Variants in CTXND2 observed in about 807,000 individuals in gnomAD.
The protein encoded by CTXND2 is cortexin domain containing 2.
At chr1:150,888,412 C>T (rs761618680) in intron 1 of CTXND2, among the ~76,000 whole-genome samples, 13 of 151,722 alleles carry the variant, frequency 8.6e-5, no homozygotes, top group Non-Finnish European at 1.8e-4. Context: ...GACAGGGTTT[C>T]ACCATGTTGG....
At position 150,904,934 on chromosome 1, in the gene CTXND2, C is replaced by T. The variant is rs1334417429; in HGVS notation, c.-73-7308C>T. The stretch of plus-strand genomic sequence containing the variant: ...TAAACAGCCATTCAGAAACATAAAA[C>T]TGTAGAACTGCTATGTATTTGTGAT... On this transcript the variant is annotated intron_variant, in intron 1 of 1. Coordinates refer to ENST00000636087, the Ensembl canonical transcript of CTXND2. Among the ~76,000 whole-genome samples, 6 of 152,168 alleles carry T rather than the reference C, an allele frequency of 3.9e-5. No individual in the cohort carries two copies. The East Asian group carries it at 1.2e-3, about 29-fold the overall frequency.
At chr1:150,912,579 A>G in exon 2 of CTXND2, 1 of 397,128 alleles carries the variant, frequency 2.5e-6, no homozygotes, top group Non-Finnish European at 4.4e-6. Flanking sequence ...CAGCCTTCTC[A>G]CTCTTGCATT....
chr1:150,888,781 C>T (rs1471195464), intron 1 of CTXND2, among the ~76,000 whole-genome samples: 1 of 151,932 alleles, frequency 6.6e-6, no homozygotes, highest in Non-Finnish European at 1.5e-5. Flanking sequence ...TCCTTGACCT[C>T]CTGGGCTCAA....
chr1:150,907,510 TAA>T (rs1263511228), intron 1 of CTXND2, among the ~76,000 whole-genome samples: 1 of 152,178 alleles, frequency 6.6e-6, no homozygotes, highest in African/African-American at 2.4e-5. Context: ...TTATGGCCAA[TAA>T]TAGTCTATTG....
intron 1 of CTXND2, among the ~76,000 whole-genome samples, chr1:150,888,219 A>T (rs12091174): frequency 0.15 from 11,210 of 75,122 alleles, 1,465 homozygotes; most frequent in African/African-American, 0.39. Flanking sequence ...TACCTAATTT[A>T]TTTTTTTTTT....
chr1:150,894,809 G>A (rs1248364604), intron 1 of CTXND2, among the ~76,000 whole-genome samples: 3 of 152,120 alleles, frequency 2.0e-5, no homozygotes, highest in Non-Finnish European at 4.4e-5. Context: ...ACTGAGGCGG[G>A]TGGATCACCT....
At chr1:150,896,371 A>C in intron 1 of CTXND2, among the ~76,000 whole-genome samples, 1 of 152,182 alleles carries the variant, frequency 6.6e-6, no homozygotes, top group East Asian at 1.9e-4. Context: ...TTTATTTTTA[A>C]GTCTCATGTG....
intron 1 of CTXND2, among the ~76,000 whole-genome samples, chr1:150,904,802 C>T (rs1460156424): frequency 6.6e-6 from 1 of 152,094 alleles, no homozygotes; most frequent in Non-Finnish European, 1.5e-5. Flanking sequence ...TTTAGCATTT[C>T]TCACATTTTA....
intron 1 of CTXND2, among the ~76,000 whole-genome samples, chr1:150,909,375 C>G (rs1226809797): frequency 6.6e-6 from 1 of 151,790 alleles, no homozygotes; most frequent in Non-Finnish European, 1.5e-5. Flanking sequence ...TGGTGAAACT[C>G]CATCTCTACC....
intron 1 of CTXND2, chr1:150,903,942 C>T (rs1467156244): frequency 4.6e-6 from 3 of 648,014 alleles, no homozygotes; most frequent in Admixed American, 3.6e-5. Context: ...CAGAAGTGTG[C>T]CCAGTGTCAC....
intron 1 of CTXND2, chr1:150,904,265 A>G: frequency 2.0e-6 from 1 of 509,254 alleles, no homozygotes; most frequent in East Asian, 4.9e-5. Flanking sequence ...TGAATTTTTC[A>G]TGTGTACCAT....
At chr1:150,893,110 C>T (rs932096872) in intron 1 of CTXND2, among the ~76,000 whole-genome samples, 16 of 152,150 alleles carry the variant, frequency 1.1e-4, no homozygotes, top group African/African-American at 2.9e-4. Flanking sequence ...AAATATCTTA[C>T]GTATTTTTAA....
intron 1 of CTXND2, among the ~76,000 whole-genome samples, chr1:150,901,767 A>T (rs926150877): frequency 2.0e-5 from 3 of 151,670 alleles, no homozygotes; most frequent in Non-Finnish European, 4.4e-5. Flanking sequence ...ACAAAAAAAA[A>T]ATTAGCTGGG....
intron 1 of CTXND2, among the ~76,000 whole-genome samples, chr1:150,899,620 T>G (rs1465396343): frequency 6.6e-6 from 1 of 152,116 alleles, no homozygotes; most frequent in East Asian, 1.9e-4. Context: ...TTTCATTATG[T>G]TAAATAAAAA....
intron 1 of CTXND2, among the ~76,000 whole-genome samples, chr1:150,907,700 G>A (rs116135136): frequency 7.1e-6 from 1 of 139,878 alleles, no homozygotes; most frequent in African/African-American, 2.6e-5. Flanking sequence ...GCGTCATATG[G>A]TGGCTTTTTT....
At chr1:150,903,812 A>AG in intron 1 of CTXND2, 1 of 428,950 alleles carries the variant, frequency 2.3e-6, no homozygotes, top group South Asian at 1.9e-5. Flanking sequence ...AAAAAAAAAA[A>AG]AAATTGCCTT....
chr1:150,894,904 G>A (rs146005414), intron 1 of CTXND2, among the ~76,000 whole-genome samples: 10,901 of 151,942 alleles, frequency 0.072, 1,335 homozygotes, highest in African/African-American at 0.25. Flanking sequence ...ATGTGGTGGC[G>A]CGTGCCTGTA....
At chr1:150,899,329 G>A (rs1169995076) in intron 1 of CTXND2, among the ~76,000 whole-genome samples, 1 of 151,704 alleles carries the variant, frequency 6.6e-6, no homozygotes, top group Non-Finnish European at 1.5e-5. Flanking sequence ...TAGCTACTTG[G>A]GAAGCTGAAG....
intron 1 of CTXND2, among the ~76,000 whole-genome samples, chr1:150,907,956 G>A (rs1442813119): frequency 5.9e-5 from 9 of 151,404 alleles, no homozygotes; most frequent in African/African-American, 1.2e-4. Context: ...TGATCCACCC[G>A]CCTTGGCCTC....
Sources: allele counts gnomAD v4.1 joint callset (sites outside exome capture counted in the v4.1 genomes callset), GRCh38; gene constraint gnomAD v4.1.1; transcripts MANE v1.5; gene names NCBI Gene and HGNC (gene_info 2026-07-23, HGNC 2026-07-21).